The following ERC2 variants were observed in gnomAD, a reference collection of about 807,000 sequenced individuals.
ERC2 encodes ERC protein 2.
ERC2 carries 42 observed loss-of-function variants against 114.8 expected under a neutral mutation model. The observed-to-expected ratio is 0.37, with a 90% CI of 0.29 to 0.47. The LOEUF is 0.47. ERC2 is among the 20% of genes least tolerant of loss of function. The pLI, the probability that ERC2 is intolerant of heterozygous loss-of-function variation, is 0.99. For synonymous variants in ERC2, 454 were observed against 425.5 expected (o/e 1.07, Z -0.82); for missense variants, 939 against 1,150.7 (o/e 0.82, Z 2.66).
chr3:55,669,789 A>G lies in ERC2; in HGVS notation c.*39+14005T>C, dbSNP rs539707751. Among the ~76,000 whole-genome samples the G allele has an allele frequency of 9.2e-5, 14 of 152,358 alleles. No individual in the cohort carries two copies. In the East Asian group the frequency reaches 2.7e-3, roughly 29 times the overall value. ...TTTTGGTGCATAGCATGAAGTCTCCAGGGAGAATGGTTCCATTTGTTCCCT... is the reference window on the plus strand; with the variant it reads ...TTTTGGTGCATAGCATGAAGTCTCCGGGGAGAATGGTTCCATTTGTTCCCT... On this transcript the variant is annotated intron_variant, in intron 17 of 17. Coordinates refer to ENST00000288221, the MANE Select transcript of ERC2 (RefSeq NM_015576.3).
chr3:55,787,741 A>C (rs1193090080), intron 14 of ERC2, among the ~76,000 whole-genome samples: 1 of 152,208 alleles, frequency 6.6e-6, no homozygotes, highest in Non-Finnish European at 1.5e-5. Flanking sequence ...GAGAAAATTT[A>C]CCACTCCATA....
At position 56,289,779 on chromosome 3, in the gene ERC2, C is replaced by T. The variant is rs554190714; in HGVS notation, c.1074+6240G>A. On this transcript the variant is annotated intron_variant, in intron 3 of 17. Coordinates refer to ENST00000288221, the MANE Select transcript of ERC2 (RefSeq NM_015576.3). ...CTTTAAGCTGTACAGCATTTGGATG[C>T]CATTCAAGGCCTCTCAGTGTACCAC... Among the ~76,000 whole-genome samples the T allele has an allele frequency of 5.3e-5, 8 of 152,314 alleles. No individual in the cohort carries two copies. In the South Asian group the frequency reaches 1.7e-3, roughly 32 times the overall value.
intron 3 of ERC2, among the ~76,000 whole-genome samples, chr3:56,271,287 C>T (rs1033706998): frequency 2.0e-5 from 3 of 152,172 alleles, no homozygotes; most frequent in Admixed American, 6.5e-5. Flanking sequence ...GCAACTGGGA[C>T]GGTTGGTCAT....
chr3:55,968,614 A>G (rs967105990), intron 12 of ERC2, among the ~76,000 whole-genome samples: 25 of 152,222 alleles, frequency 1.6e-4, no homozygotes, highest in African/African-American at 5.5e-4. Context: ...ATGGGAAGCT[A>G]CAATTACAGA....
At chr3:56,269,966 T>C (rs1463295240) in intron 3 of ERC2, among the ~76,000 whole-genome samples, 1 of 152,096 alleles carries the variant, frequency 6.6e-6, no homozygotes, top group Non-Finnish European at 1.5e-5. Context: ...ACGCTCCACA[T>C]TGGAAGCCGT....
Position 55,729,867 on chromosome 3 carries a change from T to TAAAAAAAAA in ERC2, c.2712+4903_2712+4904insTTTTTTTTT, listed in dbSNP as rs2065148489. Reference sequence around the variant, plus strand: ...AAAAAAAAAAAAAAAAAAAAAAAATTGTAAGCTACACAAGGAAGCGGTCTT... The same window carrying TAAAAAAAAA: ...AAAAAAAAAAAAAAAAAAAAAAAATTAAAAAAAAAGTAAGCTACACAAGGAAGCGGTCTT... On this transcript the variant is annotated intron_variant, in intron 15 of 17. Coordinates refer to ENST00000288221, the MANE Select transcript of ERC2 (RefSeq NM_015576.3). 1.4e-4 allele frequency among the ~76,000 whole-genome samples: 6 copies of TAAAAAAAAA among 42,004 alleles called. 1 individual carries two copies. The highest frequency in any genetic ancestry group is 6.4e-4 in the African/African-American group (6 of 9,344). 27.6% of individuals were successfully genotyped at this position (42,004 alleles called of 152,430 possible).
intron 17 of ERC2, among the ~76,000 whole-genome samples, chr3:55,622,061 G>A (rs79057729): frequency 0.019 from 2,881 of 152,240 alleles, 35 homozygotes; most frequent in Middle Eastern, 0.051. Flanking sequence ...TTTTCCATCC[G>A]AATCTGTTTG....
Position 56,434,898 on chromosome 3 carries a change from C to A in ERC2, c.110G>T (p.Gly37Val). Reference protein sequence around the residue: ...LGHRRTSSGGGGGTGKTLSME... With the variant: ...LGHRRTSSGGVGGTGKTLSME... ...AGACAGAGTCTTGCCTGTTCCTCCA[C>A]CTCCCCCACTACTTGTTCTTCGGTG... The change falls in exon 2 of 18, where the codon GGT becomes GTT. Residue 37 changes from glycine to valine, a missense_variant. Coordinates refer to ENST00000288221, the MANE Select transcript of ERC2 (RefSeq NM_015576.3). The A allele has an allele frequency of 6.2e-7, 1 of 1,613,858 alleles. No homozygotes were observed. The highest frequency in any genetic ancestry group is 1.1e-5 in the South Asian group (1 of 91,054).
chr3:55,884,285 G>T lies in ERC2; in HGVS notation c.2564+4104C>A, dbSNP rs563417017. Among the ~76,000 whole-genome samples, 26 of 152,220 alleles carry T rather than the reference G, an allele frequency of 1.7e-4. 2 individuals are homozygous for T. The highest frequency in any genetic ancestry group is 9.8e-4 in the Admixed American group (15 of 15,280). On this transcript the variant is annotated intron_variant, in intron 14 of 17. Transcript: ENST00000288221. ...CAATCCTATGTTTGCAACATAGAAG[G>T]TTGTTCACGTTCACAGAAGAAGAGG...
intron 3 of ERC2, among the ~76,000 whole-genome samples, chr3:56,196,421 A>G (rs1456861307): frequency 1.3e-5 from 2 of 152,080 alleles, no homozygotes; most frequent in African/African-American, 4.8e-5. Flanking sequence ...AGTCCAGGCA[A>G]TGGTATCCAC....
intron 13 of ERC2, among the ~76,000 whole-genome samples, chr3:55,926,270 A>C (rs1021146271): frequency 1.3e-5 from 2 of 152,122 alleles, no homozygotes; most frequent in African/African-American, 4.8e-5. Flanking sequence ...TGAACAGCAA[A>C]ACGTCCAGAA....
chr3:56,083,655 C>T (rs1456762742), intron 6 of ERC2, among the ~76,000 whole-genome samples: 1 of 151,862 alleles, frequency 6.6e-6, no homozygotes, highest in East Asian at 1.9e-4. Context: ...CAAAACAAAA[C>T]ACCAACCTGG....
chr3:56,446,833 G>A (rs2062598410), intron 1 of ERC2, among the ~76,000 whole-genome samples: 1 of 151,286 alleles, frequency 6.6e-6, no homozygotes, highest in South Asian at 2.1e-4. Flanking sequence ...CACCATGTTA[G>A]CCAGGCTGGT....
intron 3 of ERC2, among the ~76,000 whole-genome samples, chr3:56,269,217 A>G (rs1482052366): frequency 1.3e-5 from 2 of 152,226 alleles, no homozygotes; most frequent in Non-Finnish European, 2.9e-5. Flanking sequence ...TTGACTAAAA[A>G]GCAGTAAAGT....
intron 3 of ERC2, among the ~76,000 whole-genome samples, chr3:56,286,149 T>C (rs1297005958): frequency 2.6e-5 from 4 of 152,016 alleles, no homozygotes; most frequent in Admixed American, 6.6e-5. Context: ...CGCGGTGGCT[T>C]GCACCTGTAA....
intron 14 of ERC2, among the ~76,000 whole-genome samples, chr3:55,747,965 G>A (rs1432123133): frequency 6.6e-6 from 1 of 152,204 alleles, no homozygotes; most frequent in Non-Finnish European, 1.5e-5. Flanking sequence ...CAATTTGTGG[G>A]ATGCTACTGG....
chr3:56,020,683 T>C (rs2073646280), intron 7 of ERC2, among the ~76,000 whole-genome samples: 1 of 152,202 alleles, frequency 6.6e-6, no homozygotes. Context: ...TACATTTGTG[T>C]ACACACATGT....
At chr3:56,253,014 G>A (rs2052278475) in intron 3 of ERC2, among the ~76,000 whole-genome samples, 1 of 152,176 alleles carries the variant, frequency 6.6e-6, no homozygotes, top group Non-Finnish European at 1.5e-5. Flanking sequence ...CTTTGTTCAG[G>A]TGGTCCTGGC....
intron 13 of ERC2, among the ~76,000 whole-genome samples, chr3:55,889,888 A>C (rs2063526158): frequency 6.6e-6 from 1 of 152,362 alleles, no homozygotes; most frequent in South Asian, 2.1e-4. Context: ...AAATTTATTC[A>C]GAATAAGCAT....
Sources: gnomAD v4.1 joint callset for allele counts (sites outside exome capture counted in the v4.1 genomes callset) on GRCh38, gnomAD v4.1.1 for gene constraint, MANE v1.5 for transcripts, NCBI Gene and HGNC (gene_info 2026-07-23, HGNC 2026-07-21) for gene names.